The following FSIP1 variants were observed in gnomAD, a reference collection of about 807,000 sequenced individuals.
FSIP1 encodes fibrous sheath-interacting protein 1.
A neutral mutation model predicts 60.9 loss-of-function variants in FSIP1; 65 were observed. The observed-to-expected ratio is 1.07, with a 90% CI of 0.87 to 1.31. The LOEUF (loss-of-function observed/expected upper bound fraction) is 1.31. Among genes scored for constraint, FSIP1 ranks in the 40% most tolerant of loss-of-function variants. The pLI, the probability that FSIP1 is intolerant of heterozygous loss-of-function variation, is 0.00. For missense variants in FSIP1, 675 were observed against 665.5 expected, an observed-to-expected ratio of 1.01 and a Z score of -0.16; for synonymous variants, 209 against 221.2, an observed-to-expected ratio of 0.94 and a Z score of 0.49.
At chr15:39,756,204 T>C (rs1297729655) in intron 5 of FSIP1, among the ~76,000 whole-genome samples, 1 of 152,178 alleles carries the variant, frequency 6.6e-6, no homozygotes, top group Non-Finnish European at 1.5e-5. Context: ...TTAGCACCTA[T>C]AAATAAAAGT....
At chr15:39,720,840 T>C (rs74008682) in intron 9 of FSIP1, among the ~76,000 whole-genome samples, 2 of 152,138 alleles carry the variant, frequency 1.3e-5, no homozygotes, top group Non-Finnish European at 2.9e-5. Context: ...AAACCACAGA[T>C]CTTAAGAAAA....
chr15:39,723,162 G>A (rs568311378), intron 9 of FSIP1, among the ~76,000 whole-genome samples: 1 of 152,246 alleles, frequency 6.6e-6, no homozygotes, highest in East Asian at 1.9e-4. Context: ...TAAGGAAAAC[G>A]AGGTTTGGAG....
At chr15:39,744,777 TCACACACA>T (rs55691651) in intron 5 of FSIP1, among the ~76,000 whole-genome samples, 20 of 138,064 alleles carry the variant, frequency 1.4e-4, no homozygotes, top group Admixed American at 1.0e-3. Context: ...TCCCCCTCAG[TCACACACA>T]CACACACACA....
intron 10 of FSIP1, among the ~76,000 whole-genome samples, chr15:39,662,652 G>A (rs1211301613): frequency 1.3e-5 from 2 of 151,644 alleles, no homozygotes; most frequent in Non-Finnish European, 2.9e-5. Flanking sequence ...TGCCTCAGCT[G>A]GATAGGGATG....
chr15:39,720,668 A>ATATC (rs1413433845), intron 9 of FSIP1, among the ~76,000 whole-genome samples: 1 of 152,216 alleles, frequency 6.6e-6, no homozygotes, highest in Non-Finnish European at 1.5e-5. Context: ...TATATCTTAG[A>ATATC]TATTTCTGGA....
At chr15:39,695,288 C>A (rs1894770723) in intron 10 of FSIP1, among the ~76,000 whole-genome samples, 1 of 151,742 alleles carries the variant, frequency 6.6e-6, no homozygotes, top group South Asian at 2.1e-4. Context: ...TCCATGGCTG[C>A]CAATCCCCAT....
At chr15:39,613,175 G>A (rs777957580) in intron 11 of FSIP1, among the ~76,000 whole-genome samples, 1 of 152,016 alleles carries the variant, frequency 6.6e-6, no homozygotes, top group Non-Finnish European at 1.5e-5. Context: ...TTTGTTGTGC[G>A]ATTAGAAAGC....
chr15:39,766,734 T>A (rs1386915800), intron 3 of FSIP1, among the ~76,000 whole-genome samples: 3 of 152,234 alleles, frequency 2.0e-5, no homozygotes, highest in African/African-American at 7.2e-5. Flanking sequence ...CCACCCCAGA[T>A]TAGATCATTA....
chr15:39,652,178 C>T (rs543454912), intron 10 of FSIP1, among the ~76,000 whole-genome samples: 60 of 152,296 alleles, frequency 3.9e-4, no homozygotes, highest in African/African-American at 1.3e-3. Context: ...CTGTTGCTTT[C>T]TGTAAAGTTA....
chr15:39,676,565 A>G (rs1392440925), intron 10 of FSIP1, among the ~76,000 whole-genome samples: 1 of 152,192 alleles, frequency 6.6e-6, no homozygotes, highest in East Asian at 1.9e-4. Flanking sequence ...CGTGAAAGGC[A>G]CATTTGCCTT....
At chr15:39,775,189 T>A (rs984402285) in intron 2 of FSIP1, among the ~76,000 whole-genome samples, 1 of 152,158 alleles carries the variant, frequency 6.6e-6, no homozygotes, top group Non-Finnish European at 1.5e-5. Flanking sequence ...CTAATTTTTT[T>A]AATTTTTTGT....
At chr15:39,647,015 A>G (rs558370114) in intron 10 of FSIP1, among the ~76,000 whole-genome samples, 6 of 152,188 alleles carry the variant, frequency 3.9e-5, no homozygotes, top group Non-Finnish European at 7.3e-5. Flanking sequence ...AATCTAAAAA[A>G]AGAAAAACAA....
intron 10 of FSIP1, among the ~76,000 whole-genome samples, chr15:39,661,261 A>G (rs1426711510): frequency 6.6e-6 from 1 of 152,202 alleles, no homozygotes; most frequent in Non-Finnish European, 1.5e-5. Context: ...ATTTCAATAT[A>G]TAGAACAGGG....
At chr15:39,747,021 C>CCTTCCCTCCTTCCA (rs1897019227) in intron 5 of FSIP1, among the ~76,000 whole-genome samples, 1 of 138,718 alleles carries the variant, frequency 7.2e-6, no homozygotes, top group African/African-American at 2.5e-5. Context: ...CCCTCCTTCC[C>CCTTCCCTCCTTCCA]TCCTTCCCTC....
intron 10 of FSIP1, among the ~76,000 whole-genome samples, chr15:39,624,871 TA>T (rs1303390590): frequency 6.6e-6 from 1 of 152,158 alleles, no homozygotes; most frequent in Non-Finnish European, 1.5e-5. Flanking sequence ...AGAAACTATG[TA>T]AACCACCATC....
chr15:39,655,568 C>T lies in FSIP1; in HGVS notation c.1189-37323G>A, dbSNP rs78358781. Among the ~76,000 whole-genome samples the T allele has an allele frequency of 4.5e-3, 678 of 152,238 alleles. 8 individuals carry two copies. The highest frequency in any genetic ancestry group is 0.016 in the African/African-American group (646 of 41,522). On this transcript the variant is annotated intron_variant, in intron 10 of 11. Coordinates refer to ENST00000350221, the MANE Select transcript of FSIP1 (RefSeq NM_152597.5). ...CCCACTACAAAGTTCAGTGTTGTAA[C>T]GACTGAGGCTCTGAAAATCATGGCT...
At chr15:39,677,380 C>A (rs1486631863) in intron 10 of FSIP1, among the ~76,000 whole-genome samples, 1 of 151,954 alleles carries the variant, frequency 6.6e-6, no homozygotes. Context: ...TTTCTGTCCT[C>A]CCAACTGGGC....
Position 39,713,592 on chromosome 15 carries a change from GA to G in FSIP1, c.1051-12del, listed in dbSNP as rs372148357. ...ATCACGGTCAGGTTTCTAATTTAAA[GA>G]AAAAAAAAAAACATCATTCACAGGC... is the stretch of plus-strand genomic sequence containing the variant. On this transcript the variant is annotated splice_polypyrimidine_tract_variant and intron_variant, in intron 9 of 11. Transcript: ENST00000350221. The G allele has an allele frequency of 0.13, 170,267 of 1,284,500 alleles. 4,587 individuals are homozygous for G. Among genetic ancestry groups the G allele is most frequent in the African/African-American group, 0.26 (16,766 of 64,950 alleles). The allele number at this position is 1,284,500 out of a possible 1,614,324, so 79.6% of individuals were successfully genotyped here.
chr15:39,620,298 C>T (rs759400862), intron 10 of FSIP1, among the ~76,000 whole-genome samples: 12 of 152,010 alleles, frequency 7.9e-5, no homozygotes, highest in Non-Finnish European at 1.5e-4. Flanking sequence ...GGAAATGTGA[C>T]GAGAAACAAG....
Sources: gnomAD v4.1 joint callset for allele counts (sites outside exome capture counted in the v4.1 genomes callset) on GRCh38, gnomAD v4.1.1 for gene constraint, MANE v1.5 for transcripts, NCBI Gene and HGNC (gene_info 2026-07-23, HGNC 2026-07-21) for gene names.